Variants in TTC28 observed in about 807,000 individuals in gnomAD.
TTC28 encodes tetratricopeptide repeat protein 28.
Under a neutral mutation model 198.0 loss-of-function variants are expected in TTC28, and 61 were observed. That is an observed-to-expected ratio of 0.31 (90% CI 0.25 to 0.38). TTC28 has a LOEUF of 0.38. TTC28 is among the 10% of genes least tolerant of loss of function. The pLI, the probability that TTC28 is intolerant of heterozygous loss-of-function variation, is 1.00. For synonymous variants in TTC28, 1,171 were observed against 1,297.8 expected, an observed-to-expected ratio of 0.90 and a Z score of 2.10; for missense variants, 2,678 against 3,164.0, an observed-to-expected ratio of 0.85 and a Z score of 3.69.
Position 27,982,890 on chromosome 22 carries a change from G to A in TTC28, c.6777C>T (p.Ile2259=). Residue 2259 remains isoleucine, a synonymous_variant, in exon 23 of 23, where the codon ATC becomes ATT. Coordinates refer to ENST00000397906, the MANE Select transcript of TTC28 (RefSeq NM_001145418.2). The surrounding 1 kb of genome is among the most constrained non-coding windows in gnomAD (Gnocchi z 5.2). ...CACTGTGCTGGCTCGGGCTGTCTTT[G>A]ATGGACATCTCTGAGGTGGTGGGGC... ...YSSPTTSEMS[I]KDSPSQHSGR... The A allele has an allele frequency of 6.4e-7, 1 of 1,551,328 alleles. No homozygotes were observed. Among genetic ancestry groups the A allele is most frequent in the Non-Finnish European group, 8.7e-7 (1 of 1,146,752 alleles).
chr22:28,589,652 T>C (rs2050387937), intron 2 of TTC28, among the ~76,000 whole-genome samples: 1 of 152,170 alleles, frequency 6.6e-6, no homozygotes, highest in South Asian at 2.1e-4. Context: ...AAGTTTTTAT[T>C]TTATCACTCA....
chr22:28,384,572 G>A (rs1259524221), intron 2 of TTC28, among the ~76,000 whole-genome samples: 1 of 152,162 alleles, frequency 6.6e-6, no homozygotes, highest in Non-Finnish European at 1.5e-5. Context: ...CAGTTACATA[G>A]TAAGTATGCA....
intron 1 of TTC28, among the ~76,000 whole-genome samples, chr22:28,633,324 T>C (rs1895898035): frequency 6.6e-6 from 1 of 151,328 alleles, no homozygotes; most frequent in African/African-American, 2.4e-5. Context: ...AAAAAATTTT[T>C]TTTTCAAAAA....
In TTC28 at chr22:28,163,646, G is replaced by C. The variant is rs575030282; in HGVS notation, c.934-47C>G. 5.8e-5 allele frequency: 85 copies of C among 1,467,566 alleles called. No homozygotes were observed. In the South Asian group the frequency reaches 1.1e-3, roughly 19 times the overall value. The allele number at this position is 1,467,566 out of a possible 1,614,324, so 90.9% of individuals were successfully genotyped here. On this transcript the variant is annotated intron_variant, in intron 5 of 22. Coordinates refer to ENST00000397906, the MANE Select transcript of TTC28 (RefSeq NM_001145418.2). The stretch of plus-strand genomic sequence containing the variant: ...GGAGAAATGAAAACACATCAGAATG[G>C]TTTTGGTATATTTTGGCAGATAAAA...
chr22:28,182,692 T>A (rs1167190605), intron 5 of TTC28, among the ~76,000 whole-genome samples: 2 of 152,204 alleles, frequency 1.3e-5, no homozygotes, highest in East Asian at 3.8e-4. Context: ...TGCATGGCTT[T>A]TGAATGCTCA....
At chr22:28,453,274 T>C (rs555288841) in intron 2 of TTC28, among the ~76,000 whole-genome samples, 5 of 152,322 alleles carry the variant, frequency 3.3e-5, no homozygotes, top group Admixed American at 6.5e-5. Context: ...TTAGATTTTG[T>C]TTATATTAAA....
Position 28,421,867 on chromosome 22 carries a change from G to A in TTC28, c.382-115224C>T, listed in dbSNP as rs561435306. On this transcript the variant is annotated intron_variant, in intron 2 of 22. Transcript: ENST00000397906. ...GGAGAATCACCTGAACCTGGTAGGC[G>A]GAGGTTGCAGTGAGCAGAGATCGCA... Among the ~76,000 whole-genome samples the A allele has an allele frequency of 9.9e-5, 15 of 151,562 alleles. No homozygotes were observed. In the East Asian group the frequency reaches 2.1e-3, roughly 22 times the overall value.
At chr22:28,206,813 T>G (rs1926444634) in intron 5 of TTC28, among the ~76,000 whole-genome samples, 1 of 152,096 alleles carries the variant, frequency 6.6e-6, no homozygotes, top group Non-Finnish European at 1.5e-5. Flanking sequence ...CATTAGTACT[T>G]TACTCAGCAC....
At chr22:28,199,017 CATA>C (rs1925642486) in intron 5 of TTC28, among the ~76,000 whole-genome samples, 1 of 152,014 alleles carries the variant, frequency 6.6e-6, no homozygotes, top group South Asian at 2.1e-4. Flanking sequence ...AGTGTCACAA[CATA>C]ATGTTAAACA....
At chr22:28,644,203 T>C (rs1047645633) in intron 1 of TTC28, among the ~76,000 whole-genome samples, 1 of 150,608 alleles carries the variant, frequency 6.6e-6, no homozygotes, top group African/African-American at 2.4e-5. Context: ...ATCGAGACCA[T>C]CCTGGCTAAC....
chr22:28,279,381 G>GT (rs549411485), intron 5 of TTC28, among the ~76,000 whole-genome samples: 7 of 151,618 alleles, frequency 4.6e-5, no homozygotes, highest in Non-Finnish European at 7.4e-5. Context: ...GGTTTTGTTT[G>GT]TTTTTTTTAG....
intron 2 of TTC28, among the ~76,000 whole-genome samples, chr22:28,554,992 T>C (rs1028171877): frequency 7.2e-5 from 11 of 152,058 alleles, no homozygotes; most frequent in African/African-American, 2.7e-4. Context: ...TATGCAGAAC[T>C]CAAACAAATC....
intron 2 of TTC28, among the ~76,000 whole-genome samples, chr22:28,348,878 A>T (rs553313300): frequency 6.6e-6 from 1 of 152,322 alleles, no homozygotes; most frequent in Non-Finnish European, 1.5e-5. Context: ...CTCTTAAAAG[A>T]ATCGTCCCAG....
chr22:28,255,047 A>G (rs1930800515), intron 5 of TTC28, among the ~76,000 whole-genome samples: 1 of 152,208 alleles, frequency 6.6e-6, no homozygotes, highest in African/African-American at 2.4e-5. Flanking sequence ...ACCACAAAAT[A>G]AACATTAAGA....
chr22:27,995,282 G>A (rs551526808), intron 17 of TTC28, among the ~76,000 whole-genome samples: 1 of 152,304 alleles, frequency 6.6e-6, no homozygotes, highest in South Asian at 2.1e-4. Flanking sequence ...AGGCCCTGGG[G>A]TCCGTGGCAG....
intron 2 of TTC28, among the ~76,000 whole-genome samples, chr22:28,466,015 T>G (rs1004051551): frequency 3.9e-5 from 6 of 152,228 alleles, no homozygotes; most frequent in Non-Finnish European, 8.8e-5. Flanking sequence ...TATTCCTCTA[T>G]ACTAGCTGTA....
At chr22:28,258,857 A>G (rs1931132604) in intron 5 of TTC28, among the ~76,000 whole-genome samples, 1 of 152,068 alleles carries the variant, frequency 6.6e-6, no homozygotes, top group Non-Finnish European at 1.5e-5. Flanking sequence ...TGAGGTGTAG[A>G]CTGATATATC....
chr22:28,096,481 C>G, intron 10 of TTC28, 73 bp from the exon 11 acceptor site: 6 of 1,492,356 alleles, frequency 4.0e-6, no homozygotes, highest in Non-Finnish European at 5.4e-6. Flanking sequence ...CAGGGACGGC[C>G]ATCAAATCCT....
intron 1 of TTC28, among the ~76,000 whole-genome samples, chr22:28,660,269 G>A (rs541576366): frequency 2.0e-4 from 30 of 152,136 alleles, no homozygotes; most frequent in Non-Finnish European, 3.5e-4. Context: ...CAATAACCAA[G>A]GAATATACAA....
Sources: allele counts gnomAD v4.1 joint callset (sites outside exome capture counted in the v4.1 genomes callset), GRCh38; gene constraint gnomAD v4.1.1; non-coding constraint Gnocchi (gnomAD v3.1); transcripts MANE v1.5; gene names NCBI Gene and HGNC (gene_info 2026-07-23, HGNC 2026-07-21).